The following ROBO1 variants were observed in gnomAD, a reference collection of about 807,000 sequenced individuals.
ROBO1 encodes the protein roundabout guidance receptor 1, also known as roundabout homolog 1.
In ROBO1, 149 loss-of-function variants were observed where a neutral mutation model predicts 195.9. The observed-to-expected ratio is 0.76, with a 90% confidence interval of 0.67 to 0.87. The LOEUF is 0.87. Ranked by LOEUF, ROBO1 falls within the 40% of genes least tolerant of loss-of-function variation. The pLI is 0.00. For missense variants in ROBO1, 1,933 were observed against 2,068.3 expected (o/e 0.93, Z 1.27); for synonymous variants, 816 against 733.2 (o/e 1.11, Z -1.82).
At chr3:79,471,350 A>G (rs1938258947) in intron 2 of ROBO1, among the ~76,000 whole-genome samples, 1 of 152,352 alleles carries the variant, frequency 6.6e-6, no homozygotes, top group East Asian at 1.9e-4. Flanking sequence ...AAAACAGTCA[A>G]CAGTGCAAAG....
intron 2 of ROBO1, among the ~76,000 whole-genome samples, chr3:79,412,716 A>G (rs538287910): frequency 3.9e-5 from 6 of 151,998 alleles, no homozygotes; most frequent in Non-Finnish European, 7.4e-5. Context: ...GTATGCCAAA[A>G]ATATTCCAAA....
In ROBO1 at chr3:79,589,929, A is replaced by C; in HGVS notation, c.-18T>G. 1 of 1,575,988 alleles carries C rather than the reference A, an allele frequency of 6.3e-7. No homozygotes were observed. Among genetic ancestry groups the C allele is most frequent in the Non-Finnish European group, 8.7e-7 (1 of 1,146,590 alleles). On this transcript the variant is annotated 5_prime_UTR_variant, in exon 2 of 31. An upstream start codon of the reference 5' UTR is lost. Coordinates refer to ENST00000464233, the MANE Select transcript of ROBO1 (RefSeq NM_002941.4). ...CATTTCATCTTTGTCCCTTCCTTGC[A>C]TTACAACCAGCCAGTGACAGACAAT...
At chr3:78,876,353 A>C (rs975900157) in intron 4 of ROBO1, among the ~76,000 whole-genome samples, 1 of 152,132 alleles carries the variant, frequency 6.6e-6, no homozygotes, top group East Asian at 1.9e-4. Flanking sequence ...CAACTTAGCC[A>C]TAATTATATC....
At chr3:79,298,679 G>A (rs956737156) in intron 2 of ROBO1, among the ~76,000 whole-genome samples, 1 of 151,968 alleles carries the variant, frequency 6.6e-6, no homozygotes, top group African/African-American at 2.4e-5. Flanking sequence ...TTTAATGGGT[G>A]CAAAGTAGAA....
intron 2 of ROBO1, among the ~76,000 whole-genome samples, chr3:79,359,684 T>C (rs1405420167): frequency 6.6e-6 from 1 of 152,064 alleles, no homozygotes; most frequent in African/African-American, 2.4e-5. Context: ...ATTCAGCATA[T>C]AATCTAGAAG....
chr3:79,527,955 T>A (rs1254776192), intron 2 of ROBO1: 1 of 152,298 alleles, frequency 6.6e-6, no homozygotes, highest in Non-Finnish European at 1.5e-5. Flanking sequence ...CTCTACAAGG[T>A]GTGTGTGAAT....
chr3:78,915,448 A>G (rs1576392504), intron 4 of ROBO1, among the ~76,000 whole-genome samples: 1 of 151,940 alleles, frequency 6.6e-6, no homozygotes, highest in East Asian at 1.9e-4. Context: ...TGAAATCATA[A>G]TAAATAGAGC....
chr3:79,472,845 A>AT (rs1938354563), intron 2 of ROBO1, among the ~76,000 whole-genome samples: 1 of 152,136 alleles, frequency 6.6e-6, no homozygotes, highest in Non-Finnish European at 1.5e-5. Context: ...ATGGCTTAGA[A>AT]TTTACTATCG....
intron 26 of ROBO1, among the ~76,000 whole-genome samples, chr3:78,621,048 T>C (rs561903208): frequency 8.6e-5 from 13 of 151,948 alleles, no homozygotes; most frequent in Non-Finnish European, 1.6e-4. Context: ...ATATCTGTTA[T>C]ATATACACAC....
At chr3:79,410,971 G>A (rs2037741745) in intron 2 of ROBO1, among the ~76,000 whole-genome samples, 1 of 151,994 alleles carries the variant, frequency 6.6e-6, no homozygotes, top group Non-Finnish European at 1.5e-5. Flanking sequence ...TTTTACTGGA[G>A]GAATTTCCAG....
At chr3:79,067,547 C>T (rs1183990077) in intron 3 of ROBO1, among the ~76,000 whole-genome samples, 1 of 151,972 alleles carries the variant, frequency 6.6e-6, no homozygotes, top group East Asian at 1.9e-4. Context: ...GTCTGAATCT[C>T]AGGTCACTTT....
At chr3:79,597,181 G>T (rs1944202302) in intron 1 of ROBO1, among the ~76,000 whole-genome samples, 1 of 151,718 alleles carries the variant, frequency 6.6e-6, no homozygotes, top group Admixed American at 6.6e-5. Context: ...ACCTACTCTA[G>T]AGTTCTGTAG....
chr3:79,625,808 A>G (rs1259494672), intron 1 of ROBO1, among the ~76,000 whole-genome samples: 7 of 152,166 alleles, frequency 4.6e-5, no homozygotes, highest in Admixed American at 2.0e-4. Context: ...ATTCCTTCTG[A>G]AATTATTCTA....
intron 2 of ROBO1, among the ~76,000 whole-genome samples, chr3:79,344,612 GT>G (rs2035038713): frequency 6.6e-6 from 1 of 152,070 alleles, no homozygotes; most frequent in African/African-American, 2.4e-5. Context: ...AATTATTGCT[GT>G]TGTTTTTCTA....
At chr3:78,755,887 C>A (rs563088240) in intron 4 of ROBO1, among the ~76,000 whole-genome samples, 2 of 152,114 alleles carry the variant, frequency 1.3e-5, no homozygotes, top group African/African-American at 4.8e-5. Flanking sequence ...GCTTTAAATT[C>A]AGCCCTTGAT....
At chr3:78,922,629 A>C (rs1164267683) in intron 4 of ROBO1, among the ~76,000 whole-genome samples, 2 of 118,188 alleles carry the variant, frequency 1.7e-5, no homozygotes, top group Non-Finnish European at 3.3e-5. Flanking sequence ...TTTTTGACAG[A>C]GTCTCATTCT....
chr3:79,499,774 TTTA>T (rs1939956786), intron 2 of ROBO1, among the ~76,000 whole-genome samples: 1 of 152,192 alleles, frequency 6.6e-6, no homozygotes, highest in African/African-American at 2.4e-5. Flanking sequence ...TTGGGAGATC[TTTA>T]TTAAGACCTT....
At chr3:78,923,358 C>A (rs965841381) in intron 4 of ROBO1, among the ~76,000 whole-genome samples, 7 of 152,078 alleles carry the variant, frequency 4.6e-5, no homozygotes, top group African/African-American at 1.7e-4. Flanking sequence ...ATGATCCCAT[C>A]CCTGGTTTGT....
At chr3:79,506,690 G>A (rs540026498) in intron 2 of ROBO1, among the ~76,000 whole-genome samples, 3 of 152,248 alleles carry the variant, frequency 2.0e-5, no homozygotes, top group East Asian at 1.9e-4. Flanking sequence ...TGATCCACCC[G>A]CCTTGGCCTC....
Sources: gnomAD v4.1 joint callset for allele counts (sites outside exome capture counted in the v4.1 genomes callset) on GRCh38, gnomAD v4.1.1 for gene constraint, MANE v1.5 for transcripts, NCBI Gene and HGNC (gene_info 2026-07-23, HGNC 2026-07-21) for gene names.